ZNF560: variants seen among roughly 807,000 people sequenced by gnomAD.
ZNF560 encodes zinc finger protein 560.
Under a neutral mutation model 81.8 loss-of-function variants are expected in ZNF560, and 54 were observed. That is an observed-to-expected ratio of 0.66 (90% CI 0.53 to 0.83). The LOEUF (loss-of-function observed/expected upper bound fraction) is 0.83. Among genes scored for constraint, ZNF560 ranks in the 40% least tolerant of loss-of-function variants. ZNF560 has a pLI of 0.00. For synonymous variants in ZNF560, 321 were observed against 317.9 expected (o/e 1.01, Z -0.10); for missense variants, 940 against 932.4 (o/e 1.01, Z -0.11).
chr19:9,494,174 G>A (rs2073519148), intron 2 of ZNF560, among the ~76,000 whole-genome samples: 1 of 150,968 alleles, frequency 6.6e-6, no homozygotes, highest in South Asian at 2.1e-4. Flanking sequence ...CTGTGATGAG[G>A]GGCTGTGCAC....
chr19:9,456,695 C>T, the ZNF560 span, among the ~76,000 whole-genome samples: 3 of 152,186 alleles, frequency 2.0e-5, no homozygotes, highest in Non-Finnish European at 4.4e-5. Context: ...GATAAAGCCC[C>T]TGAAGTATAT....
chr19:9,453,871 A>G, the ZNF560 span, among the ~76,000 whole-genome samples: 1 of 152,258 alleles, frequency 6.6e-6, no homozygotes, highest in Non-Finnish European at 1.5e-5. Flanking sequence ...TTCATACAAA[A>G]AAACAGGCAA....
chr19:9,474,120 C>A (rs1253440572), intron 4 of ZNF560, 79 bp downstream of exon 4: 2 of 1,546,172 alleles, frequency 1.3e-6, no homozygotes, highest in East Asian at 2.2e-5. Context: ...CAGTGTTGAA[C>A]AAACCAATTC....
At chr19:9,481,867 A>G (rs1314749813) in intron 2 of ZNF560, among the ~76,000 whole-genome samples, 11 of 152,222 alleles carry the variant, frequency 7.2e-5, no homozygotes, top group Non-Finnish European at 1.2e-4. Flanking sequence ...ACAGTGTGGC[A>G]ATTCCTCAAG....
rs1198476115 is a variant in ZNF560, at chr19:9,467,615, G to T, written c.1332C>A (p.Tyr444Ter). 6.2e-7 allele frequency: 1 copy of T among 1,614,024 alleles called. No homozygotes were observed. Among genetic ancestry groups the T allele is most frequent in the African/African-American group, 1.3e-5 (1 of 75,000 alleles). Residue 444 changes from tyrosine to a stop codon, truncating the protein, a stop_gained, in exon 10 of 10, where the codon TAC (tyrosine) becomes TAA (stop). Coordinates refer to ENST00000301480, the MANE Select transcript of ZNF560 (RefSeq NM_152476.3). LOFTEE classifies it high-confidence loss of function. The part of the protein sequence containing the change: ...CDHCGKAFIS[Y>*]PSLFGHLRVH... ...CTCTCAAATGTCCAAAAAGAGATGG[G>T]TAAGAAATAAAGGCTTTCCCACAGT...
In ZNF560 at chr19:9,467,896, T is replaced by G. The variant is rs747997543; in HGVS notation, c.1051A>C (p.Lys351Gln). 8 of 1,614,194 alleles carry G rather than the reference T, an allele frequency of 5.0e-6. No homozygotes were observed. Among genetic ancestry groups the G allele is most frequent in the Non-Finnish European group, 5.9e-6 (7 of 1,180,026 alleles). The change falls in exon 10 of 10, where the codon AAG becomes CAG. Residue 351 changes from lysine to glutamine, a missense_variant. Lys to Gln is a moderately conservative substitution (Grantham distance 53). Coordinates refer to ENST00000301480, the MANE Select transcript of ZNF560 (RefSeq NM_152476.3). Reference sequence around the variant, plus strand: ...TATCTAAAATCTTTTCCACATTCCTTACATTCATAGGGGTTTTTAATAATG... The same window carrying G: ...TATCTAAAATCTTTTCCACATTCCTGACATTCATAGGGGTTTTTAATAATG... ...THIIKNPYEC[K>Q]ECGKDFRYPT...
intron 2 of ZNF560, among the ~76,000 whole-genome samples, chr19:9,481,408 C>T (rs1280198398): frequency 2.0e-5 from 3 of 152,148 alleles, no homozygotes; most frequent in Non-Finnish European, 4.4e-5. Context: ...CAACAAAAGC[C>T]AAAATTGACA....
At chr19:9,489,885 C>T (rs149542534) in intron 2 of ZNF560, among the ~76,000 whole-genome samples, 88 of 152,288 alleles carry the variant, frequency 5.8e-4, no homozygotes, top group South Asian at 1.4e-3. Context: ...CCACTGCACC[C>T]GGCCAGTCTC....
At chr19:9,497,527 C>T (rs527725675) in intron 2 of ZNF560, among the ~76,000 whole-genome samples, 201 of 145,144 alleles carry the variant, frequency 1.4e-3, no homozygotes, top group African/African-American at 4.4e-3. Flanking sequence ...ACAGCTAGAC[C>T]CCCTCTCAAA....
At chr19:9,491,651 C>T (rs938101794) in intron 2 of ZNF560, among the ~76,000 whole-genome samples, 1 of 151,412 alleles carries the variant, frequency 6.6e-6, no homozygotes, top group Non-Finnish European at 1.5e-5. Context: ...ATGGTGAAAC[C>T]CCATCTCTAC....
intron 2 of ZNF560, among the ~76,000 whole-genome samples, chr19:9,486,845 T>C (rs952487636): frequency 6.6e-5 from 10 of 152,260 alleles, no homozygotes; most frequent in African/African-American, 2.4e-4. Flanking sequence ...TGTTAAGCCC[T>C]ATCCTATGTA....
At chr19:9,485,493 C>CA (rs1333132296) in intron 2 of ZNF560, among the ~76,000 whole-genome samples, 1 of 133,290 alleles carries the variant, frequency 7.5e-6, no homozygotes, top group African/African-American at 2.9e-5. Flanking sequence ...GACGACAGAG[C>CA]AAGACTACAT....
At chr19:9,478,290 A>G (rs184593799) in intron 2 of ZNF560, among the ~76,000 whole-genome samples, 1 of 152,336 alleles carries the variant, frequency 6.6e-6, no homozygotes, top group African/African-American at 2.4e-5. Context: ...CTGCTCACAA[A>G]GAATACCATA....
At chr19:9,452,630 C>T in the ZNF560 span, among the ~76,000 whole-genome samples, 1,031 of 152,278 alleles carry the variant, frequency 6.8e-3, 8 homozygotes, top group African/African-American at 0.024. Context: ...GGTGATCATC[C>T]TAAACAGATT....
chr19:9,487,271 G>C (rs1230185188), intron 2 of ZNF560, among the ~76,000 whole-genome samples: 5 of 152,158 alleles, frequency 3.3e-5, no homozygotes. Flanking sequence ...CTGAGTACTA[G>C]TTCTTCTCAG....
chr19:9,505,719 C>T, the ZNF560 span, among the ~76,000 whole-genome samples: 16 of 152,226 alleles, frequency 1.1e-4, no homozygotes, highest in Non-Finnish European at 1.8e-4. Context: ...CTTGCTGTGT[C>T]GTCCAGGCTA....
At chr19:9,460,749 T>A in the ZNF560 span, among the ~76,000 whole-genome samples, 1 of 152,204 alleles carries the variant, frequency 6.6e-6, no homozygotes, top group African/African-American at 2.4e-5. Context: ...AATTGAGGCA[T>A]ACCGCCCTCA....
In ZNF560 at chr19:9,498,569, A is replaced by T. The variant is rs1163957225; in HGVS notation, c.-176T>A. ...AGTGAACGACCAGACAACACAAAGG[A>T]AAAAGTGGCTCTGAGGAAACAGGCG... On this transcript the variant is annotated 5_prime_UTR_variant, in exon 1 of 10. Coordinates refer to ENST00000301480, the MANE Select transcript of ZNF560 (RefSeq NM_152476.3). The T allele has an allele frequency of 6.6e-6, 1 of 152,298 alleles. No homozygotes were observed. The highest frequency in any genetic ancestry group is 1.9e-4 in the East Asian group (1 of 5,196). 9.4% of individuals were successfully genotyped at this position (152,298 alleles called of 1,614,324 possible). A position where few individuals can be genotyped will look rare whatever the true frequency, so the allele number is the denominator to read the frequency against.
chr19:9,493,141 G>T (rs899969774), intron 2 of ZNF560, among the ~76,000 whole-genome samples: 1 of 152,194 alleles, frequency 6.6e-6, no homozygotes, highest in Admixed American at 6.5e-5. Context: ...ACTTAGAAAG[G>T]TTAACAAAAA....
Sources: gnomAD v4.1 joint callset for allele counts (sites outside exome capture counted in the v4.1 genomes callset) on GRCh38, gnomAD v4.1.1 for gene constraint, MANE v1.5 for transcripts, NCBI Gene and HGNC (gene_info 2026-07-23, HGNC 2026-07-21) for gene names.